Variants in CTNND2 observed in about 807,000 individuals in gnomAD.
The protein encoded by CTNND2 is catenin delta-2.
In CTNND2, 22 loss-of-function variants were observed where a neutral mutation model predicts 144.4. The observed-to-expected ratio is 0.15, with a 90% CI of 0.11 to 0.22. CTNND2 has a LOEUF of 0.22. Ranked by LOEUF, CTNND2 falls within the 10% of genes least tolerant of loss-of-function variation. CTNND2 has a pLI of 1.00. For missense variants in CTNND2, 1,353 were observed against 1,618.8 expected, an observed-to-expected ratio of 0.84 and a Z score of 2.82; for synonymous variants, 751 against 695.6, an observed-to-expected ratio of 1.08 and a Z score of -1.25.
chr5:11,553,746 C>A (rs1466881780), intron 3 of CTNND2, among the ~76,000 whole-genome samples: 1 of 152,080 alleles, frequency 6.6e-6, no homozygotes, highest in Non-Finnish European at 1.5e-5. Context: ...TAAATAAATT[C>A]ATAAAGATTT....
chr5:11,828,586 GC>G (rs1415229561), intron 1 of CTNND2, among the ~76,000 whole-genome samples: 3 of 152,136 alleles, frequency 2.0e-5, no homozygotes, highest in African/African-American at 2.4e-5. Context: ...CTCTCTGACT[GC>G]TGTCACCCAT....
At chr5:11,401,865 C>T (rs777577508) in intron 5 of CTNND2, among the ~76,000 whole-genome samples, 3 of 152,050 alleles carry the variant, frequency 2.0e-5, no homozygotes, top group Non-Finnish European at 4.4e-5. Flanking sequence ...AATTTGAACA[C>T]CTAAGGAGAT....
chr5:11,228,255 G>T (rs1740578045), intron 10 of CTNND2, among the ~76,000 whole-genome samples: 1 of 140,402 alleles, frequency 7.1e-6, no homozygotes, highest in Admixed American at 8.1e-5. Context: ...TGAGGCAGGA[G>T]AATCACTTGT....
intron 2 of CTNND2, among the ~76,000 whole-genome samples, chr5:11,698,433 C>T (rs1192477271): frequency 6.6e-6 from 1 of 151,904 alleles, no homozygotes; most frequent in African/African-American, 2.4e-5. Context: ...GGATTAAAGG[C>T]ATGCGCCACC....
chr5:11,292,735 C>CTT (rs1443246968), intron 9 of CTNND2, among the ~76,000 whole-genome samples: 2 of 152,090 alleles, frequency 1.3e-5, no homozygotes, highest in African/African-American at 4.8e-5. Flanking sequence ...TGGGGCAGTT[C>CTT]TTTATAGCAG....
At chr5:11,507,469 G>A (rs1323153724) in intron 3 of CTNND2, among the ~76,000 whole-genome samples, 2 of 152,166 alleles carry the variant, frequency 1.3e-5, no homozygotes, top group Non-Finnish European at 2.9e-5. Flanking sequence ...GCTTTTGAGT[G>A]GGGAAGGGAT....
At chr5:11,496,501 G>A (rs1769953357) in intron 3 of CTNND2, among the ~76,000 whole-genome samples, 1 of 152,138 alleles carries the variant, frequency 6.6e-6, no homozygotes, top group Non-Finnish European at 1.5e-5. Context: ...CAGCAGCACT[G>A]GTTATATTGC....
At chr5:11,834,562 A>T (rs1486760182) in intron 1 of CTNND2, among the ~76,000 whole-genome samples, 3 of 152,180 alleles carry the variant, frequency 2.0e-5, no homozygotes, top group Admixed American at 2.0e-4. Context: ...TTATTTGTCA[A>T]ATTAAAAAAA....
At chr5:11,304,939 G>C (rs1750023305) in intron 9 of CTNND2, among the ~76,000 whole-genome samples, 1 of 138,372 alleles carries the variant, frequency 7.2e-6, no homozygotes, top group African/African-American at 2.6e-5. Flanking sequence ...CAGCATGGAG[G>C]GTTTATGTGC....
At chr5:11,901,300 A>C (rs903993612) in intron 1 of CTNND2, among the ~76,000 whole-genome samples, 3 of 152,236 alleles carry the variant, frequency 2.0e-5, no homozygotes, top group African/African-American at 7.2e-5. Flanking sequence ...CTGCAAATAC[A>C]CTGCATATTC....
chr5:11,159,860 G>T, intron 11 of CTNND2, 101 bp from the exon 12 acceptor site: 1 of 921,826 alleles, frequency 1.1e-6, no homozygotes, highest in Non-Finnish European at 1.6e-6. Context: ...CAGGAAGGAT[G>T]AAAATACTGT....
At chr5:11,706,876 G>A (rs966176516) in intron 2 of CTNND2, among the ~76,000 whole-genome samples, 2 of 151,918 alleles carry the variant, frequency 1.3e-5, no homozygotes, top group South Asian at 2.1e-4. Flanking sequence ...ACGAGGTCAG[G>A]AGATCGAGAC....
chr5:11,278,577 T>C (rs1387550750), intron 9 of CTNND2, among the ~76,000 whole-genome samples: 2 of 152,106 alleles, frequency 1.3e-5, no homozygotes, highest in African/African-American at 4.8e-5. Context: ...ATGTGACATT[T>C]GAGAAAATGT....
intron 15 of CTNND2, among the ~76,000 whole-genome samples, chr5:11,083,487 AG>A (rs1306045145): frequency 6.6e-6 from 1 of 152,240 alleles, no homozygotes; most frequent in Non-Finnish European, 1.5e-5. Flanking sequence ...TTCTTTATAA[AG>A]TAGGACATGA....
chr5:11,395,700 A>G (rs181404070), intron 6 of CTNND2, among the ~76,000 whole-genome samples: 2 of 152,382 alleles, frequency 1.3e-5, no homozygotes, highest in African/African-American at 4.8e-5. Context: ...AGAAGGTAAG[A>G]CTTACAAAGC....
At chr5:11,348,581 C>T (rs1009229276) in intron 8 of CTNND2, among the ~76,000 whole-genome samples, 1 of 151,750 alleles carries the variant, frequency 6.6e-6, no homozygotes, top group Non-Finnish European at 1.5e-5. Flanking sequence ...GTTTTCTATG[C>T]AAAATCATTT....
chr5:11,237,831 T>C (rs1741811265), intron 9 of CTNND2, among the ~76,000 whole-genome samples: 1 of 152,222 alleles, frequency 6.6e-6, no homozygotes, highest in Non-Finnish European at 1.5e-5. Flanking sequence ...ATTATTTTTA[T>C]TACTGTTGTT....
At chr5:11,596,049 T>C (rs1444392230) in intron 2 of CTNND2, among the ~76,000 whole-genome samples, 1 of 152,308 alleles carries the variant, frequency 6.6e-6, no homozygotes, top group East Asian at 1.9e-4. Context: ...AAGCGCAACT[T>C]TGCAGAATGC....
intron 1 of CTNND2, among the ~76,000 whole-genome samples, chr5:11,850,626 A>C (rs911659251): frequency 1.3e-5 from 2 of 152,356 alleles, no homozygotes; most frequent in South Asian, 4.1e-4. Flanking sequence ...ATTTACTTTC[A>C]AATCCATTCT....
Sources: gnomAD v4.1 joint callset for allele counts (sites outside exome capture counted in the v4.1 genomes callset) on GRCh38, gnomAD v4.1.1 for gene constraint, MANE v1.5 for transcripts, NCBI Gene and HGNC (gene_info 2026-07-23, HGNC 2026-07-21) for gene names.